ALPK3: variants seen among roughly 807,000 people sequenced by gnomAD.
ALPK3 encodes the protein alpha kinase 3.
Under a neutral mutation model 140.0 loss-of-function variants are expected in ALPK3, and 102 were observed. That is an observed-to-expected ratio of 0.73 (90% CI 0.62 to 0.86). The LOEUF (loss-of-function observed/expected upper bound fraction) is 0.86. ALPK3 is among the 40% of genes least tolerant of loss of function. ALPK3 has a pLI of 0.00. For missense variants in ALPK3, 2,254 were observed against 2,208.2 expected (o/e 1.02, Z -0.42); for synonymous variants, 938 against 898.5 (o/e 1.04, Z -0.79).
intron 5 of ALPK3, among the ~76,000 whole-genome samples, chr15:84,853,769 CAA>C (rs113897225): frequency 5.0e-5 from 7 of 140,672 alleles, no homozygotes; most frequent in African/African-American, 5.2e-5. Context: ...GAACCTGTCT[CAA>C]AAAAAAAAAA....
At position 84,858,173 on chromosome 15, in the gene ALPK3, G is replaced by A; in HGVS notation, c.3435G>A (p.Gly1145=). The A allele has an allele frequency of 1.2e-6, 2 of 1,611,994 alleles. No homozygotes were observed. The highest frequency in any genetic ancestry group is 2.2e-5 in the South Asian group (2 of 90,840). The part of the protein sequence containing the change: ...QEPSQEEKFP[G]EALTGLPAAT... The stretch of plus-strand genomic sequence containing the variant: ...CCTCCCAAGAGGAGAAGTTCCCAGG[G>A]GAGGCTCTGACAGGTCTCCCGGCAG... Residue 1145 remains glycine (G), a synonymous_variant, in exon 6 of 14, where the codon GGG becomes GGA. Transcript: ENST00000258888.
chr15:84,854,102 TAA>T (rs1467851473), intron 5 of ALPK3, among the ~76,000 whole-genome samples: 1 of 151,632 alleles, frequency 6.6e-6, no homozygotes, highest in East Asian at 1.9e-4. Context: ...TATGTATATT[TAA>T]AAGTCTTTCA....
chr15:84,818,764 C>G (rs1472903925), intron 1 of ALPK3, among the ~76,000 whole-genome samples: 1 of 152,192 alleles, frequency 6.6e-6, no homozygotes, highest in African/African-American at 2.4e-5. Flanking sequence ...ATGTCTGGGG[C>G]AGGGCTGAGG....
chr15:84,859,867 G>C lies in ALPK3; in HGVS notation c.4057G>C (p.Gly1353Arg). 1 of 1,614,076 alleles carries C rather than the reference G, an allele frequency of 6.2e-7. No homozygotes were observed. Among genetic ancestry groups the C allele is most frequent in the Non-Finnish European group, 8.5e-7 (1 of 1,180,036 alleles). Residue 1353 changes from glycine (G) to arginine (R), a missense_variant, in exon 8 of 14, where the codon GGC (glycine) becomes CGC (arginine). By Grantham distance (125) the Gly-to-Arg change is moderately radical (BLOSUM62 -2). Coordinates refer to ENST00000258888, the MANE Select transcript of ALPK3 (RefSeq NM_020778.5). ...TCGGTGCACCATCCACAATGAGCAC[G>C]GCTCGGCCTCCACCGACTTCTGCCT... ...VYRCTIHNEH[G>R]SASTDFCLSP...
intron 5 of ALPK3, among the ~76,000 whole-genome samples, chr15:84,848,791 A>C (rs56156667): frequency 0.19 from 29,123 of 152,114 alleles, 2,998 homozygotes; most frequent in East Asian, 0.36. Context: ...TGCAAACACT[A>C]ATCAGATGAA....
intron 4 of ALPK3, among the ~76,000 whole-genome samples, chr15:84,839,415 G>C (rs1347381769): frequency 6.6e-6 from 1 of 152,190 alleles, no homozygotes; most frequent in East Asian, 1.9e-4. Context: ...CTTCACGAGG[G>C]GCTGTGTTGG....
chr15:84,835,895 A>G (rs777019643), intron 3 of ALPK3, among the ~76,000 whole-genome samples: 10 of 152,232 alleles, frequency 6.6e-5, no homozygotes, highest in Admixed American at 1.3e-4. Flanking sequence ...ACCAGGGACT[A>G]TTCTAGGAAC....
At position 84,859,233 on chromosome 15, in the gene ALPK3, C is replaced by A. The variant is rs1466378276; in HGVS notation, c.3818-10C>A. On this transcript the variant is annotated splice_polypyrimidine_tract_variant and intron_variant, in intron 6 of 13. Transcript: ENST00000258888. ...GTGGTGTTCCCCTCTTGACTGGGCC[C>A]TGCTCTCAGCCCCACAGGTGATCCG... 6.2e-7 allele frequency: 1 copy of A among 1,613,826 alleles called. No homozygotes were observed. The highest frequency in any genetic ancestry group is 1.3e-5 in the African/African-American group (1 of 74,928).
rs909121019 is a variant in ALPK3 at position 84,817,578 on chromosome 15, C to G, written c.126C>G (p.Ser42Arg). Residue 42 changes from serine (S) to arginine (R), a missense_variant, in exon 1 of 14, where the codon AGC (serine) becomes AGG (arginine). Ser to Arg is a moderately radical substitution (Grantham distance 110, BLOSUM62 -1). Transcript: ENST00000258888. ...PSPASRSYLL[S>R]VRPETSLSSN... is the part of the protein sequence containing the mutation. ...CAGCCAGCCGGAGCTACCTGCTCAGCGTGCGGCCCGAGACCAGGTAAGTGG... is the reference window on the plus strand; with the variant it reads ...CAGCCAGCCGGAGCTACCTGCTCAGGGTGCGGCCCGAGACCAGGTAAGTGG... The G allele has an allele frequency of 4.0e-6, 6 of 1,501,844 alleles. No homozygotes were observed. The highest frequency in any genetic ancestry group is 5.3e-6 in the Non-Finnish European group (6 of 1,130,966). 93.0% of individuals were successfully genotyped at this position (1,501,844 alleles called of 1,614,324 possible). A position where few individuals can be genotyped will look rare whatever the true frequency, so the allele number is the denominator to read the frequency against.
intron 5 of ALPK3, among the ~76,000 whole-genome samples, chr15:84,843,833 G>T (rs909265115): frequency 1.3e-5 from 2 of 151,644 alleles, no homozygotes; most frequent in African/African-American, 4.8e-5. Flanking sequence ...AGTGGCTCAC[G>T]CTTGTAATCG....
chr15:84,827,507 C>T lies in ALPK3; in HGVS notation c.206C>T (p.Ala69Val), dbSNP rs966823226. The change falls in exon 3 of 14, where the codon GCT becomes GTT. Residue 69 changes from alanine (A) to valine (V), a missense_variant. Around this residue, in one of 3 missense-constraint regions of ALPK3, gnomAD observed 2,088 missense variants for 2,022.9 expected, o/e 1.03. Coordinates refer to ENST00000258888, the MANE Select transcript of ALPK3 (RefSeq NM_020778.5). The part of the protein sequence containing the change: ...SGRSTFCSII[A>V]QLTEETQPLF... ...AGGAGCACCTTCTGCTCCATCATTG[C>T]TCAGCTCACAGAGGAGACCCAGCCG... The T allele has an allele frequency of 3.7e-6, 6 of 1,614,216 alleles. No individual in the cohort carries two copies. The highest frequency in any genetic ancestry group is 5.1e-6 in the Non-Finnish European group (6 of 1,180,040).
intron 5 of ALPK3, among the ~76,000 whole-genome samples, chr15:84,846,590 G>A (rs1963733858): frequency 6.6e-6 from 1 of 152,078 alleles, no homozygotes; most frequent in East Asian, 1.9e-4. Context: ...CAGGGCTGAG[G>A]TGGGAAGAAC....
rs1024451017 is a variant in ALPK3 at position 84,871,209 on chromosome 15, G to A, written c.*2753G>A. 1 of 152,508 alleles carries A rather than the reference G, an allele frequency of 6.6e-6. No individual in the cohort carries two copies. Among genetic ancestry groups the A allele is most frequent in the Admixed American group, 6.5e-5 (1 of 15,280 alleles). 9.4% of individuals were successfully genotyped at this position (152,508 alleles called of 1,614,324 possible). A position where few individuals can be genotyped will look rare whatever the true frequency, so the allele number is the denominator to read the frequency against. On this transcript the variant is annotated 3_prime_UTR_variant, in exon 14 of 14. Transcript: ENST00000258888. ...CTCATGTTTATGATGATGGACTTTTGATCTGGTGGAGGGACCCAAACCTTC... is the reference window on the plus strand; with the variant it reads ...CTCATGTTTATGATGATGGACTTTTAATCTGGTGGAGGGACCCAAACCTTC...
chr15:84,852,624 T>G (rs183165023), intron 5 of ALPK3: 48 of 247,610 alleles, frequency 1.9e-4, no homozygotes, highest in African/African-American at 1.0e-3. Context: ...CTATAAAATT[T>G]ATCAATTGTT....
At chr15:84,821,044 G>A (rs1963416624) in intron 1 of ALPK3, among the ~76,000 whole-genome samples, 1 of 151,942 alleles carries the variant, frequency 6.6e-6, no homozygotes, top group Non-Finnish European at 1.5e-5. Context: ...TGAGATGAAG[G>A]TGGCACGAAG....
intron 5 of ALPK3, among the ~76,000 whole-genome samples, chr15:84,844,477 A>G (rs1198540654): frequency 1.3e-5 from 2 of 152,218 alleles, no homozygotes; most frequent in Non-Finnish European, 2.9e-5. Flanking sequence ...CATGAATTAT[A>G]AAATTAAAAT....
At chr15:84,850,414 A>C (rs1013528967) in intron 5 of ALPK3, among the ~76,000 whole-genome samples, 3 of 152,152 alleles carry the variant, frequency 2.0e-5, no homozygotes, top group Admixed American at 6.5e-5. Flanking sequence ...ACAGGGTCTT[A>C]CTCTATTGCC....
intron 3 of ALPK3, 110 bp downstream of exon 3, chr15:84,827,715 G>A (rs779367559): frequency 6.3e-6 from 9 of 1,425,872 alleles, no homozygotes; most frequent in Non-Finnish European, 8.6e-6. Context: ...ACAAAACTAC[G>A]TGAGGTGACA....
At chr15:84,842,938 A>G (rs1963683996) in intron 5 of ALPK3, among the ~76,000 whole-genome samples, 1 of 152,190 alleles carries the variant, frequency 6.6e-6, no homozygotes, top group South Asian at 2.1e-4. Context: ...GATGGCTCTC[A>G]TAGGCCCTCA....
Sources: allele counts gnomAD v4.1 joint callset (sites outside exome capture counted in the v4.1 genomes callset), GRCh38; gene constraint gnomAD v4.1.1; regional missense constraint gnomAD v4.1.1; transcripts MANE v1.5; gene names NCBI Gene and HGNC (gene_info 2026-07-23, HGNC 2026-07-21).